NMI: variants seen among roughly 807,000 people sequenced by gnomAD.
NMI encodes the protein N-myc-interactor.
Under a neutral mutation model 34.3 loss-of-function variants are expected in NMI, and 39 were observed. That is an observed-to-expected ratio of 1.14 (90% CI 0.88 to 1.49). NMI has a LOEUF of 1.49. Ranked by LOEUF, NMI falls within the 40% of genes most tolerant of loss-of-function variation. The probability of loss-of-function intolerance (pLI) is 0.00; values close to 1 mark genes in which losing one functional copy is unlikely to be tolerated. For synonymous variants in NMI, 113 were observed against 120.3 expected (o/e 0.94, Z 0.40); for missense variants, 339 against 358.1 (o/e 0.95, Z 0.43).
chr2:151,279,357 C>A (rs1024852350), intron 3 of NMI, among the ~76,000 whole-genome samples: 7 of 152,102 alleles, frequency 4.6e-5, no homozygotes, highest in Non-Finnish European at 1.0e-4. Context: ...AAAAGGAAAT[C>A]ATTAGATAGT....
chr2:151,286,705 A>C (rs1270454791), intron 1 of NMI, among the ~76,000 whole-genome samples: 2 of 152,176 alleles, frequency 1.3e-5, no homozygotes, highest in Admixed American at 6.5e-5. Flanking sequence ...CTGGGTTACA[A>C]CCACTGTCTG....
chr2:151,274,499 G>A (rs1390519804), intron 6 of NMI, among the ~76,000 whole-genome samples: 6 of 147,236 alleles, frequency 4.1e-5, no homozygotes, highest in African/African-American at 1.5e-4. Flanking sequence ...TTTTTGAGAC[G>A]GAGTCTCACT....
intron 1 of NMI, among the ~76,000 whole-genome samples, chr2:151,288,193 A>G (rs1023575924): frequency 1.3e-5 from 2 of 152,216 alleles, no homozygotes; most frequent in Non-Finnish European, 2.9e-5. Flanking sequence ...TTATATTGCA[A>G]AGGAGAATTA....
At chr2:151,283,664 T>G (rs140312512) in intron 1 of NMI, among the ~76,000 whole-genome samples, 1 of 152,350 alleles carries the variant, frequency 6.6e-6, no homozygotes, top group East Asian at 1.9e-4. Flanking sequence ...TCTCCCCAAA[T>G]GTAAACAAAG....
chr2:151,274,674 C>T (rs1048431356), intron 6 of NMI, among the ~76,000 whole-genome samples: 1 of 151,598 alleles, frequency 6.6e-6, no homozygotes, highest in Non-Finnish European at 1.5e-5. Flanking sequence ...GACGGGGTTT[C>T]ACCATGTTAG....
intron 6 of NMI, among the ~76,000 whole-genome samples, chr2:151,273,214 C>G (rs755620096): frequency 2.0e-5 from 3 of 151,760 alleles, no homozygotes; most frequent in Non-Finnish European, 2.9e-5. Flanking sequence ...TGTTGCTTGA[C>G]TTCTTAAAGC....
intron 2 of NMI, among the ~76,000 whole-genome samples, 184 bp from the exon 3 acceptor site, chr2:151,282,227 A>G (rs191518977): frequency 6.6e-6 from 1 of 152,328 alleles, no homozygotes; most frequent in African/African-American, 2.4e-5. Flanking sequence ...GTCTATTCTA[A>G]CATTGCCAAG....
At position 151,270,884 on chromosome 2, in the gene NMI, G is replaced by GA. The variant is rs146611480; in HGVS notation, c.742-10dup. 2.2e-3 allele frequency: 3,470 copies of GA among 1,593,268 alleles called. 70 individuals are homozygous for GA. The African/African-American group carries it at 0.04, about 18-fold the overall frequency. ...GATGTTCCTGAAAATATCTAAGAAG[G>GA]AAAAAATGATAAATAGAAAGATTTC... is the stretch of plus-strand genomic sequence containing the variant. On this transcript the variant is annotated splice_polypyrimidine_tract_variant and intron_variant, in intron 7 of 7. Transcript: ENST00000243346.
intron 1 of NMI, among the ~76,000 whole-genome samples, chr2:151,284,356 G>A (rs1683457017): frequency 1.3e-5 from 2 of 151,900 alleles, no homozygotes; most frequent in Admixed American, 1.3e-4. Context: ...GAGTGCAGTG[G>A]GGCATGAACA....
chr2:151,284,539 C>T (rs1164201974), intron 1 of NMI, among the ~76,000 whole-genome samples: 1 of 152,008 alleles, frequency 6.6e-6, no homozygotes, highest in Non-Finnish European at 1.5e-5. Context: ...CTCAAACAAT[C>T]CGCCCCCCTT....
intron 6 of NMI, 133 bp from the exon 7 acceptor site, chr2:151,271,865 A>C (rs1327839634): frequency 2.4e-5 from 14 of 574,088 alleles, no homozygotes; most frequent in Non-Finnish European, 3.7e-5. Context: ...AGAAATTCTA[A>C]AGCCCACTTT....
intron 6 of NMI, among the ~76,000 whole-genome samples, chr2:151,273,353 A>G (rs1416453278): frequency 6.6e-6 from 1 of 152,198 alleles, no homozygotes; most frequent in Non-Finnish European, 1.5e-5. Flanking sequence ...CACATCCTTC[A>G]GTAGTTACCT....
Position 151,275,575 on chromosome 2 carries a change from A to G in NMI, c.543T>C (p.Phe181=), listed in dbSNP as rs1208292240. 3 of 1,614,090 alleles carry G rather than the reference A, an allele frequency of 1.9e-6. No homozygotes were observed. Among genetic ancestry groups the G allele is most frequent in the African/African-American group, 2.7e-5 (2 of 74,936 alleles). ...DQMRDKLELS[F]SKSRNGGGEV... ...CTCCGCCTCCATTTCGGGACTTTGAAAAGCTCAGCTCTAGTTTGTCTCTCA... is the reference window on the plus strand; with the variant it reads ...CTCCGCCTCCATTTCGGGACTTTGAGAAGCTCAGCTCTAGTTTGTCTCTCA... Residue 181 remains phenylalanine, a synonymous_variant, in exon 6 of 8, where the codon TTT becomes TTC. Coordinates refer to ENST00000243346, the MANE Select transcript of NMI (RefSeq NM_004688.3).
chr2:151,278,979 A>G lies in NMI; in HGVS notation c.189T>C (p.Asp63=). 6.3e-7 allele frequency: 1 copy of G among 1,594,778 alleles called. No individual in the cohort carries two copies. The highest frequency in any genetic ancestry group is 8.6e-7 in the Non-Finnish European group (1 of 1,164,314). ...AGAATTTCATCTTTGTTTCAGGAATATCCTCTTTAATCTAATCCAAATGAA... is the reference window on the plus strand; with the variant it reads ...AGAATTTCATCTTTGTTTCAGGAATGTCCTCTTTAATCTAATCCAAATGAA... ...EATKEFQIKE[D]IPETKMKFLS... The change falls in exon 4 of 8, where the codon GAT becomes GAC. Residue 63 remains aspartate (D), a synonymous_variant. Coordinates refer to ENST00000243346, the MANE Select transcript of NMI (RefSeq NM_004688.3).
rs780446146 is a variant in NMI at position 151,275,520 on chromosome 2, ACTGT to A, written c.594_597del (p.Arg198SerfsTer19). On this transcript the variant is annotated frameshift_variant, in exon 6 of 8. Transcript: ENST00000243346. LOFTEE classifies it high-confidence loss of function. ...ACAAACGTGATGACTGCACTCCCGG[ACTGT>A]CTGTCATAGTCCACGCGGTCCACCT... The A allele has an allele frequency of 6.2e-7, 1 of 1,613,918 alleles. No homozygotes were observed. Among genetic ancestry groups the A allele is most frequent in the African/African-American group, 1.3e-5 (1 of 74,896 alleles).
At chr2:151,271,875 T>C in intron 6 of NMI, 143 bp from the exon 7 acceptor site, 1 of 570,832 alleles carries the variant, frequency 1.8e-6, no homozygotes, top group Non-Finnish European at 3.1e-6. Flanking sequence ...AAGCCCACTT[T>C]GAAGACTTCA....
chr2:151,278,743 G>A (rs1208261142), intron 4 of NMI, 85 bp downstream of exon 4: 1 of 998,146 alleles, frequency 1.0e-6, no homozygotes, highest in African/African-American at 1.6e-5. Context: ...TAATATAAGT[G>A]AAGTAATATT....
At chr2:151,284,143 G>A (rs1374874755) in intron 1 of NMI, among the ~76,000 whole-genome samples, 1 of 152,106 alleles carries the variant, frequency 6.6e-6, no homozygotes, top group Non-Finnish European at 1.5e-5. Flanking sequence ...GGATCACAAG[G>A]TTAAGAGTTT....
rs570715357 is a variant in NMI at position 151,276,210 on chromosome 2, G to A, written c.341-346C>T. Among the ~76,000 whole-genome samples, 18 of 152,004 alleles carry A rather than the reference G, an allele frequency of 1.2e-4. No homozygotes were observed. The South Asian group carries it at 1.9e-3, about 16-fold the overall frequency. Reference sequence around the variant, plus strand: ...TATGATTACAGGTGCATGCCACCACGCCTAGCTAATTTTTTTAACTTTTTG... The same window carrying A: ...TATGATTACAGGTGCATGCCACCACACCTAGCTAATTTTTTTAACTTTTTG... On this transcript the variant is annotated intron_variant, in intron 4 of 7. Transcript: ENST00000243346.
Sources: gnomAD v4.1 joint callset for allele counts (sites outside exome capture counted in the v4.1 genomes callset) on GRCh38, gnomAD v4.1.1 for gene constraint, MANE v1.5 for transcripts, NCBI Gene and HGNC (gene_info 2026-07-23, HGNC 2026-07-21) for gene names.